The following LIMS1 variants were observed in gnomAD, a reference collection of about 807,000 sequenced individuals.
The protein encoded by LIMS1 is LIM and senescent cell antigen-like-containing domain protein 1.
In LIMS1, 18 loss-of-function variants were observed where a neutral mutation model predicts 44.1. That is an observed-to-expected ratio of 0.41 (90% CI 0.28 to 0.61). The LOEUF (loss-of-function observed/expected upper bound fraction) is 0.61, where lower values mean the gene tolerates loss of function less well. Among genes scored for constraint, LIMS1 ranks in the 20% least tolerant of loss-of-function variants. LIMS1 has a pLI of 0.32. For synonymous variants in LIMS1, 93 were observed against 149.1 expected (o/e 0.62, Z 2.74); for missense variants, 201 against 422.0 (o/e 0.48, Z 4.59).
chr2:108,539,055 C>G (rs1684231420), intron 1 of LIMS1, among the ~76,000 whole-genome samples: 1 of 152,156 alleles, frequency 6.6e-6, no homozygotes, highest in Non-Finnish European at 1.5e-5. Context: ...TTATCACAAA[C>G]ACTTTGAACA....
intron 2 of LIMS1, among the ~76,000 whole-genome samples, chr2:108,667,419 A>T (rs1691835672): frequency 1.3e-5 from 2 of 152,090 alleles, no homozygotes. Context: ...GAACGCAGGC[A>T]GTCTGGATCC....
At chr2:108,601,403 G>A (rs1325414164) in intron 1 of LIMS1, among the ~76,000 whole-genome samples, 3 of 152,082 alleles carry the variant, frequency 2.0e-5, no homozygotes, top group East Asian at 1.9e-4. Flanking sequence ...AGCTGTTTTC[G>A]TAACAAGTTG....
At chr2:108,670,465 A>G in intron 2 of LIMS1, among the ~76,000 whole-genome samples, 1 of 152,162 alleles carries the variant, frequency 6.6e-6, no homozygotes, top group Non-Finnish European at 1.5e-5. Context: ...GGTGATCCAT[A>G]GCTTTCATCA....
At chr2:108,543,892 G>A (rs1288720901) in intron 1 of LIMS1, among the ~76,000 whole-genome samples, 1 of 152,044 alleles carries the variant, frequency 6.6e-6, no homozygotes, top group African/African-American at 2.4e-5. Context: ...ACGAGAAATA[G>A]CAGCCCAACC....
intron 1 of LIMS1, among the ~76,000 whole-genome samples, chr2:108,628,257 C>T (rs989457597): frequency 6.6e-6 from 1 of 152,216 alleles, no homozygotes; most frequent in African/African-American, 2.4e-5. Context: ...CTCCTCAGCC[C>T]TGCCTTTTCC....
At chr2:108,662,328 G>A (rs1323951777) in intron 2 of LIMS1, 30 of 1,611,134 alleles carry the variant, frequency 1.9e-5, no homozygotes, top group Non-Finnish European at 2.5e-5. Context: ...GGCCACTGGT[G>A]CTGAGTCAGA....
chr2:108,603,307 C>G (rs1360093856), intron 1 of LIMS1, among the ~76,000 whole-genome samples: 1 of 152,004 alleles, frequency 6.6e-6, no homozygotes, highest in Non-Finnish European at 1.5e-5. Flanking sequence ...GCTTTGATCT[C>G]GTTACTTGTT....
In LIMS1 at chr2:108,678,009, C is replaced by T. The variant is rs770508766; in HGVS notation, c.805C>T (p.Arg269Cys). The T allele has an allele frequency of 1.9e-5, 31 of 1,604,808 alleles. No individual in the cohort carries two copies. Among genetic ancestry groups the T allele is most frequent in the Admixed American group, 3.5e-5 (2 of 57,520 alleles). Residue 269 changes from arginine (R) to cysteine (C), a missense_variant, in exon 8 of 10, where the codon CGT becomes TGT. Arg to Cys is a radical substitution (Grantham distance 180). Around this residue, in one of 7 missense-constraint regions of LIMS1, gnomAD observed 17 missense variants for 38.5 expected, o/e 0.44. Coordinates refer to ENST00000544547, the Ensembl canonical transcript of LIMS1. ...TGGTGATGTTTGCTTCCACTGCAAT[C>T]GTGTTATAGAAGGTGATGGTAAGTA...
chr2:108,542,860 G>A (rs1278687389), intron 1 of LIMS1, among the ~76,000 whole-genome samples: 1 of 152,176 alleles, frequency 6.6e-6, no homozygotes, highest in African/African-American at 2.4e-5. Context: ...AGAATGCATT[G>A]GGTAAGATTC....
chr2:108,571,323 T>C (rs1016605410), intron 1 of LIMS1, among the ~76,000 whole-genome samples: 3 of 152,184 alleles, frequency 2.0e-5, no homozygotes, highest in East Asian at 1.9e-4. Flanking sequence ...ATGTAAACTT[T>C]ACAGGTGTGA....
chr2:108,637,488 A>G (rs1239645495), intron 1 of LIMS1, among the ~76,000 whole-genome samples: 1 of 152,196 alleles, frequency 6.6e-6, no homozygotes, highest in Non-Finnish European at 1.5e-5. Context: ...AACTAAAATA[A>G]GGGTGTTATT....
At chr2:108,675,920 A>G (rs373074389) in exon 6 of LIMS1, 9 of 1,613,860 alleles carry the variant, frequency 5.6e-6, no homozygotes, top group Admixed American at 1.7e-5. Flanking sequence ...AAGGGGAGCT[A>G]TACTGCCTCC....
At chr2:108,654,940 T>C in intron 1 of LIMS1, 1 of 1,517,264 alleles carries the variant, frequency 6.6e-7, no homozygotes, top group Non-Finnish European at 8.8e-7. Flanking sequence ...GTAGTGACCC[T>C]GGCGGGCCAG....
chr2:108,554,355 T>A (rs1054658859), intron 1 of LIMS1, among the ~76,000 whole-genome samples: 5 of 152,034 alleles, frequency 3.3e-5, no homozygotes, highest in African/African-American at 4.8e-5. Context: ...CATCCCAGAC[T>A]CTAGAGCCTA....
intron 1 of LIMS1, among the ~76,000 whole-genome samples, chr2:108,611,854 T>TATATATATATACAC (rs771325535): frequency 4.0e-5 from 5 of 125,246 alleles, no homozygotes; most frequent in East Asian, 4.6e-4. Flanking sequence ...TATATATATA[T>TATATATATATACAC]ACACACATAT....
intron 9 of LIMS1, among the ~76,000 whole-genome samples, chr2:108,682,789 TCAG>T (rs1426871070): frequency 2.0e-5 from 3 of 152,198 alleles, no homozygotes; most frequent in Non-Finnish European, 2.9e-5. Context: ...AGTAAAAATA[TCAG>T]CAGATTTTAT....
At chr2:108,564,199 G>A (rs572950263) in intron 1 of LIMS1, among the ~76,000 whole-genome samples, 62 of 152,240 alleles carry the variant, frequency 4.1e-4, no homozygotes, top group African/African-American at 1.4e-3. Flanking sequence ...ATAATGACTC[G>A]CTGAAGGCTC....
chr2:108,618,246 C>T lies in LIMS1; in HGVS notation c.33-41359C>T, dbSNP rs1454707845. 2.6e-5 allele frequency among the ~76,000 whole-genome samples: 4 copies of T among 152,260 alleles called. No homozygotes were observed. In the East Asian group the frequency reaches 5.8e-4, roughly 22 times the overall value. ...GCAGAAAATGCATTTATACAGGCCT[C>T]CCTCTGTACTGTCAAAATCATGCTA... On this transcript the variant is annotated intron_variant, in intron 1 of 9. Transcript: ENST00000544547.
intron 8 of LIMS1, 23 bp from the exon 9 acceptor site, chr2:108,680,672 A>G: frequency 6.2e-7 from 1 of 1,608,858 alleles, no homozygotes; most frequent in South Asian, 1.1e-5. Context: ...CCATGTGACC[A>G]GATCTCTTTC....
Sources: allele counts gnomAD v4.1 joint callset (sites outside exome capture counted in the v4.1 genomes callset), GRCh38; gene constraint gnomAD v4.1.1; regional missense constraint gnomAD v4.1.1; transcripts MANE v1.5; gene names NCBI Gene and HGNC (gene_info 2026-07-23, HGNC 2026-07-21).